HS2ST1: variants seen among roughly 807,000 people sequenced by gnomAD.
The protein encoded by HS2ST1 is 2-O-sulfotransferase.
HS2ST1 carries 18 observed loss-of-function variants against 42.9 expected under a neutral mutation model. The observed-to-expected ratio is 0.42, with a 90% CI of 0.29 to 0.62. The LOEUF is 0.62. HS2ST1 is among the 20% of genes least tolerant of loss of function. The probability of loss-of-function intolerance (pLI) is 0.21; values close to 1 mark genes in which losing one functional copy is unlikely to be tolerated. For missense variants in HS2ST1, 334 were observed against 433.8 expected, an observed-to-expected ratio of 0.77 and a Z score of 2.04; for synonymous variants, 146 against 152.9, an observed-to-expected ratio of 0.95 and a Z score of 0.33.
intron 1 of HS2ST1, among the ~76,000 whole-genome samples, chr1:86,960,444 G>A (rs142669300): frequency 4.6e-5 from 7 of 152,236 alleles, no homozygotes; most frequent in African/African-American, 9.6e-5. Context: ...GTTGGACTTC[G>A]TTAAAATAAA....
In HS2ST1 at chr1:86,977,217, C is replaced by T. The variant is rs74524666; in HGVS notation, c.124+62057C>T. ...TTACCTACATGATGGATATTAACTC[C>T]ATACTAAAGCTTAATTTTTTTATTT... On this transcript the variant is annotated intron_variant, in intron 1 of 6. Transcript: ENST00000370550. Among the ~76,000 whole-genome samples the T allele has an allele frequency of 3.5e-3, 531 of 152,176 alleles. 7 individuals carry two copies. In the East Asian group the frequency reaches 0.052, roughly 15 times the overall value.
intron 1 of HS2ST1, among the ~76,000 whole-genome samples, chr1:87,036,106 A>G (rs1256016499): frequency 6.6e-6 from 1 of 152,124 alleles, no homozygotes; most frequent in Non-Finnish European, 1.5e-5. Context: ...AATGGTTTCC[A>G]GCTTCATCCA....
chr1:87,059,058 C>CA (rs1199549217), intron 1 of HS2ST1, among the ~76,000 whole-genome samples: 2 of 151,860 alleles, frequency 1.3e-5, no homozygotes. Flanking sequence ...GACTCCGTCT[C>CA]AAAAAAATAA....
At position 87,105,601 on chromosome 1, in the gene HS2ST1, G is replaced by A. The variant is rs573270355; in HGVS notation, c.*905G>A. 2 of 152,390 alleles carry A rather than the reference G, an allele frequency of 1.3e-5. No homozygotes were observed. The highest frequency in any genetic ancestry group is 2.4e-5 in the African/African-American group (1 of 41,400). The allele number at this position is 152,390 out of a possible 1,614,324, so 9.4% of individuals were successfully genotyped here. ...TTACCTGTAGACTATTTTTACTAAG[G>A]TGCTTTATAATGTGTTTTAAAGCAT... On this transcript the variant is annotated 3_prime_UTR_variant, in exon 7 of 7. Transcript: ENST00000370550.
intron 3 of HS2ST1, among the ~76,000 whole-genome samples, chr1:87,085,278 T>C (rs1480223910): frequency 6.6e-6 from 1 of 152,126 alleles, no homozygotes; most frequent in South Asian, 2.1e-4. Context: ...TAACACACCT[T>C]GATATATTGG....
intron 1 of HS2ST1, among the ~76,000 whole-genome samples, chr1:86,965,272 C>CTTGGTTCCTTACCATTCATTCA (rs1648012311): frequency 6.6e-6 from 1 of 152,008 alleles, no homozygotes; most frequent in Non-Finnish European, 1.5e-5. Context: ...CTTATCTCTG[C>CTTGGTTCCTTACCATTCATTCA]TTGGTTCCTT....
chr1:86,980,993 A>C (rs1648562233), intron 1 of HS2ST1, among the ~76,000 whole-genome samples: 2 of 152,192 alleles, frequency 1.3e-5, no homozygotes, highest in South Asian at 2.1e-4. Context: ...AAAGAGGTTT[A>C]ATTGACATAC....
chr1:86,991,581 A>T (rs924415517), intron 1 of HS2ST1, among the ~76,000 whole-genome samples: 2 of 152,238 alleles, frequency 1.3e-5, no homozygotes, highest in Non-Finnish European at 2.9e-5. Flanking sequence ...AACCTAAAAT[A>T]GGTGAGGAGG....
At chr1:87,057,577 T>TG (rs1651001805) in intron 1 of HS2ST1, among the ~76,000 whole-genome samples, 1 of 151,452 alleles carries the variant, frequency 6.6e-6, no homozygotes, top group South Asian at 2.1e-4. Context: ...TTTTTTTTTT[T>TG]TTTTAAAGAC....
At chr1:86,993,596 T>C (rs929797572) in intron 1 of HS2ST1, among the ~76,000 whole-genome samples, 8 of 152,194 alleles carry the variant, frequency 5.3e-5, no homozygotes, top group Non-Finnish European at 8.8e-5. Context: ...ACTATATGGA[T>C]ATATAGGGTT....
At chr1:86,953,302 C>T (rs1647577101) in intron 1 of HS2ST1, among the ~76,000 whole-genome samples, 1 of 152,220 alleles carries the variant, frequency 6.6e-6, no homozygotes, top group Non-Finnish European at 1.5e-5. Context: ...TAAACTTTCT[C>T]CATTTCAGCG....
chr1:86,964,515 G>GCAAT (rs1479707143), intron 1 of HS2ST1, among the ~76,000 whole-genome samples: 1 of 152,230 alleles, frequency 6.6e-6, no homozygotes. Flanking sequence ...GCACGCGCCT[G>GCAAT]CAATCGCAGG....
At chr1:87,007,229 T>A (rs1437199085) in intron 1 of HS2ST1, among the ~76,000 whole-genome samples, 1 of 152,090 alleles carries the variant, frequency 6.6e-6, no homozygotes, top group Non-Finnish European at 1.5e-5. Flanking sequence ...AAGTTTATAT[T>A]CAAGAATATA....
At chr1:87,032,422 A>G (rs1020833401) in intron 1 of HS2ST1, among the ~76,000 whole-genome samples, 3 of 152,172 alleles carry the variant, frequency 2.0e-5, no homozygotes, top group African/African-American at 4.8e-5. Flanking sequence ...AAGAGACCTG[A>G]ATATTATACT....
chr1:86,982,479 A>AAT (rs1259788970), intron 1 of HS2ST1, among the ~76,000 whole-genome samples: 6 of 152,178 alleles, frequency 3.9e-5, no homozygotes, highest in African/African-American at 1.4e-4. Flanking sequence ...CTTTGTGAAC[A>AAT]ATATGACTGA....
At chr1:87,006,220 C>G (rs1367404011) in intron 1 of HS2ST1, among the ~76,000 whole-genome samples, 1 of 152,012 alleles carries the variant, frequency 6.6e-6, no homozygotes, top group Non-Finnish European at 1.5e-5. Context: ...TAGTATTGCC[C>G]AAGGATAGTA....
chr1:86,950,532 G>C (rs987814600), intron 1 of HS2ST1, among the ~76,000 whole-genome samples: 6 of 152,132 alleles, frequency 3.9e-5, no homozygotes, highest in Non-Finnish European at 7.4e-5. Flanking sequence ...GAATGGATTT[G>C]AATGGTGTAA....
rs1570442497 is a variant in HS2ST1 at position 86,953,116 on chromosome 1, A to C, written c.124+37956A>C. 2.0e-5 allele frequency among the ~76,000 whole-genome samples: 3 copies of C among 152,300 alleles called. No homozygotes were observed. In the South Asian group the frequency reaches 6.2e-4, roughly 32 times the overall value. On this transcript the variant is annotated intron_variant, in intron 1 of 6. Coordinates refer to ENST00000370550, the MANE Select transcript of HS2ST1 (RefSeq NM_012262.4). ...ATCTGCACTTGTTGCTTTACCTTGC[A>C]CTTTTATATTATGAAGATGGCATGA...
intron 1 of HS2ST1, among the ~76,000 whole-genome samples, chr1:86,950,437 T>C (rs905144115): frequency 1.3e-5 from 2 of 152,174 alleles, no homozygotes; most frequent in Admixed American, 6.5e-5. Flanking sequence ...ATTAACTGTG[T>C]TGTGCAGTGG....
Sources: allele counts gnomAD v4.1 joint callset (sites outside exome capture counted in the v4.1 genomes callset), GRCh38; gene constraint gnomAD v4.1.1; transcripts MANE v1.5; gene names NCBI Gene and HGNC (gene_info 2026-07-23, HGNC 2026-07-21).